Variants in PER2 observed in about 807,000 individuals in gnomAD.
PER2 encodes the protein period circadian regulator 2, also known as period circadian protein homolog 2.
Under a neutral mutation model 121.0 loss-of-function variants are expected in PER2, and 66 were observed. The ratio of observed to expected loss-of-function variants is 0.55; its 90% CI spans 0.45 to 0.67. The LOEUF (loss-of-function observed/expected upper bound fraction) is 0.67, where lower values mean the gene tolerates loss of function less well. Among genes scored for constraint, PER2 ranks in the 30% least tolerant of loss-of-function variants. The pLI is 0.00. For synonymous variants in PER2, 684 were observed against 659.9 expected (o/e 1.04, Z -0.56); for missense variants, 1,521 against 1,635.0 (o/e 0.93, Z 1.20).
At chr2:238,280,984 T>C (rs1696612174) in intron 1 of PER2, among the ~76,000 whole-genome samples, 1 of 151,528 alleles carries the variant, frequency 6.6e-6, no homozygotes, top group Non-Finnish European at 1.5e-5. Flanking sequence ...CAATATTACA[T>C]TTCCAGAAGA....
intron 1 of PER2, among the ~76,000 whole-genome samples, chr2:238,281,550 T>C (rs1696629833): frequency 6.6e-6 from 1 of 152,262 alleles, no homozygotes; most frequent in African/African-American, 2.4e-5. Context: ...TGAATGGTAA[T>C]ACCTTTTGGG....
chr2:238,253,241 G>C lies in PER2; in HGVS notation c.2782C>G (p.Gln928Glu). 6.2e-7 allele frequency: 1 copy of C among 1,603,042 alleles called. No individual in the cohort carries two copies. Among genetic ancestry groups the C allele is most frequent in the Non-Finnish European group, 8.5e-7 (1 of 1,172,890 alleles). Residue 928 changes from glutamine (Q) to glutamate (E), a missense_variant, in exon 19 of 23, where the codon CAG (glutamine) becomes GAG (glutamate). Coordinates refer to ENST00000254657, the MANE Select transcript of PER2 (RefSeq NM_022817.3). The surrounding 1 kb of genome is among the most constrained non-coding windows in gnomAD (Gnocchi z 5.6). ...GTGGGGTGGCTCGGAAACTGAGGCT[G>C]GCTGGGGAAGAAGGCCTGGGGCAGG... is the stretch of plus-strand genomic sequence containing the variant. ...PNLPQAFFPS[Q>E]PQFPSHPTLT...
At chr2:238,293,760 A>T (rs1697000617), upstream of PER2, among the ~76,000 whole-genome samples, 1 of 149,190 alleles carries the variant, frequency 6.7e-6, no homozygotes, top group African/African-American at 2.6e-5. Flanking sequence ...AAAGAAAAAG[A>T]AAAAAAAGAA....
chr2:238,287,871 C>T (rs1696835110), intron 1 of PER2, among the ~76,000 whole-genome samples: 2 of 152,216 alleles, frequency 1.3e-5, no homozygotes, highest in African/African-American at 4.8e-5. Context: ...ATGTCTGGGA[C>T]TTGGCAGCCA....
chr2:238,265,401 C>T (rs1430214366), intron 9 of PER2, 111 bp downstream of exon 9: 1 of 728,092 alleles, frequency 1.4e-6, no homozygotes, highest in Non-Finnish European at 2.5e-6. Context: ...TATATAATTA[C>T]ATGTTTTTGT....
At chr2:238,297,025 G>A in the PER2 span, among the ~76,000 whole-genome samples, 3 of 152,218 alleles carry the variant, frequency 2.0e-5, no homozygotes, top group East Asian at 5.8e-4. Context: ...AGGCTGGTGT[G>A]TGACTGGCCT....
intron 16 of PER2, 110 bp from the exon 17 acceptor site, chr2:238,257,196 A>ACCGAT: frequency 1.1e-6 from 1 of 912,592 alleles, no homozygotes; most frequent in Non-Finnish European, 1.7e-6. Flanking sequence ...GGTGCACACA[A>ACCGAT]CCCATCCCAT....
At chr2:238,287,691 G>A (rs1333190340) in intron 1 of PER2, among the ~76,000 whole-genome samples, 4 of 152,206 alleles carry the variant, frequency 2.6e-5, no homozygotes, top group Non-Finnish European at 5.9e-5. Context: ...CAGGCTGAGG[G>A]GTTACTCTGG....
At chr2:238,269,838 C>T (rs1696231638) in intron 6 of PER2, among the ~76,000 whole-genome samples, 1 of 152,250 alleles carries the variant, frequency 6.6e-6, no homozygotes, top group African/African-American at 2.4e-5. Flanking sequence ...AGCCTCCATG[C>T]TGATTTTTGA....
In PER2 at chr2:238,253,443, T is replaced by C; in HGVS notation, c.2580A>G (p.Pro860=). ...GGGGTGCTGCCACAGTCCCTGGCGC[T>C]GGAAACACGGGCAGTGAATAAGCTG... The part of the protein sequence containing the change: ...VPAAYSLPVF[P]APGTVAAPPA... Residue 860 remains proline, a synonymous_variant, in exon 19 of 23, where the codon CCA becomes CCG. Coordinates refer to ENST00000254657, the MANE Select transcript of PER2 (RefSeq NM_022817.3). The surrounding 1 kb of genome is among the most constrained non-coding windows in gnomAD (Gnocchi z 5.6). The C allele has an allele frequency of 6.2e-6, 10 of 1,612,424 alleles. No individual in the cohort carries two copies. The highest frequency in any genetic ancestry group is 8.5e-6 in the Non-Finnish European group (10 of 1,179,116).
chr2:238,260,899 G>A lies in PER2; in HGVS notation c.1471C>T (p.His491Tyr). The A allele has an allele frequency of 6.2e-7, 1 of 1,613,720 alleles. No homozygotes were observed. The highest frequency in any genetic ancestry group is 8.5e-7 in the Non-Finnish European group (1 of 1,180,010). ...GYGSLGSNGS[H>Y]EHLMSQTSSS... ...GAGGTCTGGCTCATAAGGTGCTCGT[G>A]GGACCCGTTGCTGCCCAGACTCCCG... is the stretch of plus-strand genomic sequence containing the variant. Residue 491 changes from histidine (H) to tyrosine (Y), a missense_variant, in exon 13 of 23, where the codon CAC (histidine) becomes TAC (tyrosine). Coordinates refer to ENST00000254657, the MANE Select transcript of PER2 (RefSeq NM_022817.3).
chr2:238,259,529 G>T (rs1034626806), intron 14 of PER2, among the ~76,000 whole-genome samples: 2 of 152,248 alleles, frequency 1.3e-5, no homozygotes, highest in Admixed American at 6.5e-5. Flanking sequence ...AGTGTATGTG[G>T]ATGCTGGGCA....
chr2:238,264,263 G>A (rs1226417993), intron 9 of PER2, among the ~76,000 whole-genome samples: 2 of 152,188 alleles, frequency 1.3e-5, no homozygotes, highest in African/African-American at 2.4e-5. Flanking sequence ...TTACATATAC[G>A]GCCCCAGGCC....
In PER2 at chr2:238,261,078, C is replaced by A. The variant is rs1695913450; in HGVS notation, c.1417-125G>T. 10 of 1,178,832 alleles carry A rather than the reference C, an allele frequency of 8.5e-6. No individual in the cohort carries two copies. In the East Asian group the frequency reaches 2.5e-4, roughly 29 times the overall value. 73.0% of individuals were successfully genotyped at this position (1,178,832 alleles called of 1,614,324 possible). On this transcript the variant is annotated intron_variant, in intron 12 of 22. Coordinates refer to ENST00000254657, the MANE Select transcript of PER2 (RefSeq NM_022817.3). The stretch of plus-strand genomic sequence containing the variant: ...CCCGCCTAAGGCTACATGGCAGAGA[C>A]CAGGGGAGCTGAGGTTTGAACCCCA...
rs372564023 is a variant in PER2, at chr2:238,246,355, G to C, written c.*20C>G. 1.3e-5 allele frequency: 20 copies of C among 1,578,066 alleles called. No individual in the cohort carries two copies. The highest frequency in any genetic ancestry group is 2.7e-5 in the African/African-American group (2 of 73,950). On this transcript the variant is annotated 3_prime_UTR_variant, in exon 23 of 23. Coordinates refer to ENST00000254657, the MANE Select transcript of PER2 (RefSeq NM_022817.3). ...CACCTGGTGTACCTCGCTGGCTGCCGGGCTGAGGTGGGGCAGGGGTTACGT... is the reference window on the plus strand; with the variant it reads ...CACCTGGTGTACCTCGCTGGCTGCCCGGCTGAGGTGGGGCAGGGGTTACGT...
At chr2:238,275,618 G>T in intron 4 of PER2, 125 bp downstream of exon 4, 1 of 1,065,696 alleles carries the variant, frequency 9.4e-7, no homozygotes, top group Non-Finnish European at 1.4e-6. Flanking sequence ...AAGCCCAGAA[G>T]TCAAGGCTGC....
rs187945336 is a variant in PER2, at chr2:238,280,792, T to A, written c.-19-2837A>T. On this transcript the variant is annotated intron_variant, in intron 1 of 22. Coordinates refer to ENST00000254657, the MANE Select transcript of PER2 (RefSeq NM_022817.3). The stretch of plus-strand genomic sequence containing the variant: ...TGAGCGAGACACATAAAGAGAACCA[T>A]CCTGAACCAGAGACAGATCTGAATC... Among the ~76,000 whole-genome samples the A allele has an allele frequency of 2.0e-3, 308 of 152,070 alleles. 4 individuals carry two copies. The highest frequency in any genetic ancestry group is 1.8e-3 in the Non-Finnish European group (123 of 67,992).
In PER2 at chr2:238,246,248, T is replaced by C. The variant is rs1695444055; in HGVS notation, c.*127A>G. 1 of 632,148 alleles carries C rather than the reference T, an allele frequency of 1.6e-6. No homozygotes were observed. Among genetic ancestry groups the C allele is most frequent in the Non-Finnish European group, 2.5e-6 (1 of 397,488 alleles). 39.2% of individuals were successfully genotyped at this position (632,148 alleles called of 1,614,324 possible). ...TTCAGAAAACTATGTTGTTTTTTTT[T>C]CTAAAACAAAAAAAGCAACATGAGC... is the stretch of plus-strand genomic sequence containing the variant. On this transcript the variant is annotated 3_prime_UTR_variant, in exon 23 of 23. Transcript: ENST00000254657.
At chr2:238,272,545 G>A (rs919988280) in intron 5 of PER2, among the ~76,000 whole-genome samples, 2 of 152,230 alleles carry the variant, frequency 1.3e-5, no homozygotes, top group African/African-American at 4.8e-5. Flanking sequence ...GATGGTCCCA[G>A]CACATGTGGG....
Sources: gnomAD v4.1 joint callset for allele counts (sites outside exome capture counted in the v4.1 genomes callset) on GRCh38, gnomAD v4.1.1 for gene constraint, Gnocchi (gnomAD v3.1) non-coding constraint, MANE v1.5 for transcripts, NCBI Gene and HGNC (gene_info 2026-07-23, HGNC 2026-07-21) for gene names.